PEPD: variants seen among roughly 807,000 people sequenced by gnomAD.
PEPD encodes peptidase D.
A neutral mutation model predicts 60.7 loss-of-function variants in PEPD; 53 were observed. That is an observed-to-expected ratio of 0.87 (90% CI 0.70 to 1.10). The LOEUF (loss-of-function observed/expected upper bound fraction) is 1.10, where lower values mean the gene tolerates loss of function less well. PEPD is among the 50% of genes least tolerant of loss of function. The pLI is 0.00. For synonymous variants in PEPD, 267 were observed against 284.1 expected (o/e 0.94, Z 0.60); for missense variants, 711 against 711.9 (o/e 1.00, Z 0.01).
chr19:33,481,238 C>A (rs1970308390), intron 6 of PEPD, among the ~76,000 whole-genome samples: 1 of 151,996 alleles, frequency 6.6e-6, no homozygotes, highest in African/African-American at 2.4e-5. Flanking sequence ...TGAAACAAAT[C>A]CCTAAAGACA....
At chr19:33,395,234 G>A (rs143139367) in intron 12 of PEPD, 2 of 152,560 alleles carry the variant, frequency 1.3e-5, no homozygotes, top group African/African-American at 4.8e-5. Flanking sequence ...ACCCCTTCCT[G>A]TACTTTGAGA....
At chr19:33,474,609 G>A (rs1016782747) in intron 7 of PEPD, among the ~76,000 whole-genome samples, 1 of 152,100 alleles carries the variant, frequency 6.6e-6, no homozygotes, top group African/African-American at 2.4e-5. Flanking sequence ...ACGTGAACCC[G>A]GGAGGCGGAG....
intron 6 of PEPD, among the ~76,000 whole-genome samples, chr19:33,486,655 C>T (rs1165410723): frequency 6.6e-6 from 1 of 152,204 alleles, no homozygotes; most frequent in Non-Finnish European, 1.5e-5. Context: ...CGGCCTGGCC[C>T]TGATCTGGGG....
chr19:33,464,516 C>G (rs990551576), intron 7 of PEPD, among the ~76,000 whole-genome samples: 4 of 152,192 alleles, frequency 2.6e-5, no homozygotes, highest in Non-Finnish European at 5.9e-5. Context: ...TCCCCACCCC[C>G]ACCCACCTGC....
intron 12 of PEPD, chr19:33,396,178 C>G (rs1057117368): frequency 6.6e-6 from 1 of 152,364 alleles, no homozygotes; most frequent in African/African-American, 2.4e-5. Flanking sequence ...GTATCTATGA[C>G]TGGGGTGGCA....
intron 4 of PEPD, among the ~76,000 whole-genome samples, chr19:33,498,347 T>G (rs907906974): frequency 1.3e-5 from 2 of 152,176 alleles, no homozygotes; most frequent in African/African-American, 2.4e-5. Flanking sequence ...CCGGTCTCTG[T>G]GCTGTCATTC....
chr19:33,391,820 A>G (rs1399697992), intron 12 of PEPD, among the ~76,000 whole-genome samples: 1 of 152,182 alleles, frequency 6.6e-6, no homozygotes, highest in Non-Finnish European at 1.5e-5. Context: ...TTCTGGGCCC[A>G]GGGAAACCTA....
intron 9 of PEPD, among the ~76,000 whole-genome samples, chr19:33,417,509 T>C (rs1968915034): frequency 6.6e-6 from 1 of 152,184 alleles, no homozygotes; most frequent in East Asian, 1.9e-4. Context: ...AAATCTTGGC[T>C]CTGCTGCTGG....
chr19:33,441,460 C>T (rs1600117403), intron 9 of PEPD, among the ~76,000 whole-genome samples: 1 of 152,222 alleles, frequency 6.6e-6, no homozygotes, highest in Non-Finnish European at 1.5e-5. Flanking sequence ...TGCACAGTCC[C>T]GGGGAGGCCG....
At chr19:33,425,324 A>AC (rs58648118) in intron 9 of PEPD, among the ~76,000 whole-genome samples, 16 of 152,014 alleles carry the variant, frequency 1.1e-4, no homozygotes, top group Admixed American at 5.9e-4. Flanking sequence ...AAACAAACAA[A>AC]AAGGCTTGCC....
rs547490724 is a variant in PEPD at position 33,495,853 on chromosome 19, T to C, written c.394-2516A>G. Among the ~76,000 whole-genome samples, 3 of 152,102 alleles carry C rather than the reference T, an allele frequency of 2.0e-5. No individual in the cohort carries two copies. The South Asian group carries it at 6.2e-4, about 32-fold the overall frequency. On this transcript the variant is annotated intron_variant, in intron 4 of 14. Coordinates refer to ENST00000244137, the MANE Select transcript of PEPD (RefSeq NM_000285.4). ...ATACAAAAAAATTAGCCGGGCTTGG[T>C]GACTGTAATCCCAGCTACTCGGGAG...
intron 9 of PEPD, among the ~76,000 whole-genome samples, chr19:33,453,317 A>AAAAAAAAAAATAAAT (rs1555762504): frequency 2.6e-4 from 38 of 148,754 alleles, no homozygotes; most frequent in African/African-American, 9.2e-4. Flanking sequence ...CTGTCATAAA[A>AAAAAAAAAAATAAAT]AAATAAATAA....
At chr19:33,483,578 G>A (rs2145306244) in intron 6 of PEPD, among the ~76,000 whole-genome samples, 1 of 152,332 alleles carries the variant, frequency 6.6e-6, no homozygotes, top group East Asian at 1.9e-4. Context: ...GGGAGGCCAA[G>A]GCAGAAAGAT....
chr19:33,446,013 C>A (rs953344303), intron 9 of PEPD, among the ~76,000 whole-genome samples: 1 of 152,232 alleles, frequency 6.6e-6, no homozygotes, highest in African/African-American at 2.4e-5. Flanking sequence ...CTGTCCAAAC[C>A]ACCTGGACCC....
intron 3 of PEPD, among the ~76,000 whole-genome samples, chr19:33,501,730 T>C (rs906942388): frequency 1.3e-5 from 2 of 152,038 alleles, no homozygotes; most frequent in African/African-American, 4.8e-5. Context: ...AGAGACAGCA[T>C]CTCGTTCTGT....
intron 7 of PEPD, among the ~76,000 whole-genome samples, chr19:33,468,706 C>T (rs1046373380): frequency 6.0e-4 from 91 of 152,350 alleles, no homozygotes; most frequent in African/African-American, 2.1e-3. Context: ...AGCGCAGCGA[C>T]ACCTTCCCGA....
chr19:33,443,012 C>T (rs951218564), intron 9 of PEPD, among the ~76,000 whole-genome samples: 4 of 152,220 alleles, frequency 2.6e-5, no homozygotes, highest in African/African-American at 9.6e-5. Flanking sequence ...TAAATGTTTG[C>T]TGACAAAACC....
At chr19:33,483,498 C>T (rs1045603861) in intron 6 of PEPD, among the ~76,000 whole-genome samples, 1 of 152,122 alleles carries the variant, frequency 6.6e-6, no homozygotes, top group Admixed American at 6.5e-5. Context: ...GGCAAGACTT[C>T]AACTCTCTGG....
At position 33,500,964 on chromosome 19, in the gene PEPD, C is replaced by G. The variant is rs776474982; in HGVS notation, c.367G>C (p.Val123Leu). ...TCATCTACGTACTGGACGTCGTCCA[C>G]GGCATACTTCTCCTTGAAGTGCTCC... Reference protein sequence around the residue: ...SKEHFKEKYAVDDVQYVDEIA... With the variant: ...SKEHFKEKYALDDVQYVDEIA... Residue 123 changes from valine to leucine, a missense_variant, in exon 4 of 15, where the codon GTG (valine) becomes CTG (leucine). Val to Leu is a conservative substitution (Grantham distance 32, BLOSUM62 1). Transcript: ENST00000244137. 1 of 1,604,824 alleles carries G rather than the reference C, an allele frequency of 6.2e-7. No individual in the cohort carries two copies. Among genetic ancestry groups the G allele is most frequent in the East Asian group, 2.2e-5 (1 of 44,820 alleles).
Sources: allele counts gnomAD v4.1 joint callset (sites outside exome capture counted in the v4.1 genomes callset), GRCh38; gene constraint gnomAD v4.1.1; transcripts MANE v1.5; gene names NCBI Gene and HGNC (gene_info 2026-07-23, HGNC 2026-07-21).